FAM13A: variants seen among roughly 807,000 people sequenced by gnomAD.
FAM13A encodes the protein family with sequence similarity 13 member A.
A neutral mutation model predicts 129.6 loss-of-function variants in FAM13A; 76 were observed. That is an observed-to-expected ratio of 0.59 (90% CI 0.49 to 0.71). The LOEUF is 0.71. Ranked by LOEUF, FAM13A falls within the 30% of genes least tolerant of loss-of-function variation. FAM13A has a pLI of 0.00. For missense variants in FAM13A, 1,108 were observed against 1,249.3 expected (o/e 0.89, Z 1.70); for synonymous variants, 443 against 449.9 (o/e 0.98, Z 0.20).
At chr4:89,007,751 G>C (rs2149075217) in intron 3 of FAM13A, among the ~76,000 whole-genome samples, 1 of 152,334 alleles carries the variant, frequency 6.6e-6, no homozygotes, top group East Asian at 1.9e-4. Flanking sequence ...TATTGGAATG[G>C]AGCCAAAGCC....
chr4:88,777,430 G>A (rs1287424136), intron 11 of FAM13A, among the ~76,000 whole-genome samples: 1 of 152,162 alleles, frequency 6.6e-6, no homozygotes, highest in Non-Finnish European at 1.5e-5. Context: ...TTCTGGGAGA[G>A]AAGGAAGGGC....
intron 3 of FAM13A, among the ~76,000 whole-genome samples, chr4:88,997,342 G>C (rs1763682323): frequency 6.6e-6 from 1 of 152,142 alleles, no homozygotes; most frequent in Non-Finnish European, 1.5e-5. Context: ...TTAGTGAAAA[G>C]TGCTACTTCA....
At chr4:88,780,789 T>A (rs1722686985) in intron 11 of FAM13A, among the ~76,000 whole-genome samples, 1 of 152,116 alleles carries the variant, frequency 6.6e-6, no homozygotes, top group South Asian at 2.1e-4. Context: ...TTCACCTTGC[T>A]TTAAGTTCAT....
chr4:88,894,544 T>A (rs13110699), intron 6 of FAM13A, among the ~76,000 whole-genome samples: 3 of 152,146 alleles, frequency 2.0e-5, no homozygotes, highest in Non-Finnish European at 4.4e-5. Flanking sequence ...TATTTTTTGA[T>A]ACAGAGTCTC....
chr4:88,978,368 C>G (rs1761181847), intron 4 of FAM13A, among the ~76,000 whole-genome samples: 1 of 152,012 alleles, frequency 6.6e-6, no homozygotes, highest in African/African-American at 2.4e-5. Context: ...TTTATACAAA[C>G]AGAACTTAAT....
chr4:88,945,992 A>ATGTATGTGTGTGTG (rs200668381), intron 4 of FAM13A, among the ~76,000 whole-genome samples: 1 of 11,234 alleles, frequency 8.9e-5, no homozygotes, highest in African/African-American at 2.1e-4. Flanking sequence ...GTGTGTGTGT[A>ATGTATGTGTGTGTG]TATATATATA....
chr4:88,976,389 T>A (rs1275043806), intron 4 of FAM13A, among the ~76,000 whole-genome samples: 1 of 152,144 alleles, frequency 6.6e-6, no homozygotes, highest in Non-Finnish European at 1.5e-5. Context: ...GGCTGGTTAT[T>A]CACTAGAGAG....
At chr4:88,744,115 T>C (rs1300065782) in intron 19 of FAM13A, among the ~76,000 whole-genome samples, 2 of 152,192 alleles carry the variant, frequency 1.3e-5, no homozygotes, top group African/African-American at 4.8e-5. Context: ...AGAATTTGCA[T>C]TTAAATTTGA....
intron 3 of FAM13A, among the ~76,000 whole-genome samples, chr4:89,019,180 T>C (rs1263982158): frequency 6.6e-6 from 1 of 152,132 alleles, no homozygotes; most frequent in Non-Finnish European, 1.5e-5. Context: ...TGGTCTTTCA[T>C]GGGGTAAAAT....
rs201439229 is a variant in FAM13A, at chr4:88,809,868, C to CT, written c.1008-4817dup. Among the ~76,000 whole-genome samples the CT allele has an allele frequency of 2.2e-3, 307 of 137,104 alleles. 1 individual carries two copies. Among genetic ancestry groups the CT allele is most frequent in the Non-Finnish European group, 2.8e-3 (177 of 63,206 alleles). The allele number at this position is 137,104 out of a possible 152,430, so 89.9% of individuals were successfully genotyped here. On this transcript the variant is annotated intron_variant, in intron 7 of 23. Transcript: ENST00000264344. ...TTAAAAAAAAAAAAGTCCCGGTGGG[C>CT]TTTTTTTTTTTTTCCTGGAAAACAA...
At chr4:88,823,655 C>T (rs575382456) in intron 7 of FAM13A, among the ~76,000 whole-genome samples, 1 of 152,278 alleles carries the variant, frequency 6.6e-6, no homozygotes, top group East Asian at 1.9e-4. Flanking sequence ...TTCCTTAAAA[C>T]AAAACAAAAC....
chr4:88,802,042 A>C (rs752854868), intron 8 of FAM13A, among the ~76,000 whole-genome samples: 3 of 152,224 alleles, frequency 2.0e-5, no homozygotes, highest in South Asian at 2.1e-4. Flanking sequence ...GCACAGAAGA[A>C]CACCACCACC....
At chr4:89,021,600 C>T (rs1767262671) in intron 2 of FAM13A, among the ~76,000 whole-genome samples, 1 of 151,996 alleles carries the variant, frequency 6.6e-6, no homozygotes, top group Non-Finnish European at 1.5e-5. Flanking sequence ...GGGTCTGTGA[C>T]AAGTTAAAGA....
intron 1 of FAM13A, among the ~76,000 whole-genome samples, chr4:89,046,615 C>A (rs2670628): frequency 0.1 from 15,897 of 152,158 alleles, 907 homozygotes; most frequent in African/African-American, 0.14. Context: ...TTTGGGAGGC[C>A]AAGACAGGCA....
intron 6 of FAM13A, among the ~76,000 whole-genome samples, chr4:88,854,190 A>G (rs1317326126): frequency 6.6e-6 from 1 of 152,208 alleles, no homozygotes; most frequent in East Asian, 1.9e-4. Context: ...ATATAAAAGA[A>G]AACTCCATGC....
chr4:88,831,618 A>T (rs185152091), intron 7 of FAM13A, among the ~76,000 whole-genome samples: 1 of 152,234 alleles, frequency 6.6e-6, no homozygotes, highest in Non-Finnish European at 1.5e-5. Context: ...AAATATATTT[A>T]AAATAAAAAT....
At chr4:88,871,160 C>A (rs899577549) in intron 6 of FAM13A, among the ~76,000 whole-genome samples, 10 of 152,232 alleles carry the variant, frequency 6.6e-5, no homozygotes, top group Middle Eastern at 6.8e-3. Context: ...CATTAAAGAC[C>A]AAAGGTAGAT....
chr4:88,758,241 GTTC>G (rs1744091051), intron 14 of FAM13A, among the ~76,000 whole-genome samples: 1 of 152,046 alleles, frequency 6.6e-6, no homozygotes, highest in Non-Finnish European at 1.5e-5. Context: ...TGTATTCAGT[GTTC>G]TTTTTGATAA....
intron 6 of FAM13A, among the ~76,000 whole-genome samples, chr4:88,865,357 A>G (rs1341659272): frequency 6.6e-6 from 1 of 152,232 alleles, no homozygotes; most frequent in Non-Finnish European, 1.5e-5. Context: ...AATATTAAAC[A>G]ATCAGGAATA....
Sources: gnomAD v4.1 joint callset for allele counts (sites outside exome capture counted in the v4.1 genomes callset) on GRCh38, gnomAD v4.1.1 for gene constraint, MANE v1.5 for transcripts, NCBI Gene and HGNC (gene_info 2026-07-23, HGNC 2026-07-21) for gene names.